NCOA6: variants seen among roughly 807,000 people sequenced by gnomAD.
The protein encoded by NCOA6 is nuclear receptor coactivator 6, also known as NRC RAP250.
In NCOA6, 49 loss-of-function variants were observed where a neutral mutation model predicts 171.4. The observed-to-expected ratio is 0.29, with a 90% confidence interval of 0.23 to 0.36. The LOEUF is 0.36. Ranked by LOEUF, NCOA6 falls within the 10% of genes least tolerant of loss-of-function variation. The probability of loss-of-function intolerance (pLI) is 1.00; values close to 1 mark genes in which losing one functional copy is unlikely to be tolerated. For synonymous variants in NCOA6, 910 were observed against 927.5 expected (o/e 0.98, Z 0.34); for missense variants, 2,248 against 2,554.5 (o/e 0.88, Z 2.59).
intron 11 of NCOA6, chr20:34,738,806 CG>C: frequency 2.2e-6 from 1 of 449,254 alleles, no homozygotes; most frequent in Non-Finnish European, 4.5e-6. Context: ...GGTTAAGGAA[CG>C]TATCAACTGT....
chr20:34,758,876 G>A lies in NCOA6; in HGVS notation c.572C>T (p.Ser191Leu), dbSNP rs1295269325. 1 of 1,613,510 alleles carries A rather than the reference G, an allele frequency of 6.2e-7. No individual in the cohort carries two copies. The highest frequency in any genetic ancestry group is 1.1e-5 in the South Asian group (1 of 90,966). ...TVMIPPGGNV[S>L]SSMMAPGPNP... Reference sequence around the variant, plus strand: ...GGGGCCTGGTGCCATCATGGAAGATGACACATTTCCACCCGGGGGTATCAT... The same window carrying A: ...GGGGCCTGGTGCCATCATGGAAGATAACACATTTCCACCCGGGGGTATCAT... The change falls in exon 6 of 15, where the codon TCA becomes TTA. Residue 191 changes from serine to leucine, a missense_variant. This residue lies in a region of NCOA6 where 987 missense variants were observed against 1,104.7 expected (regional missense o/e 0.89). Coordinates refer to ENST00000359003, the MANE Select transcript of NCOA6 (RefSeq NM_014071.5).
chr20:34,736,736 T>C lies in NCOA6; in HGVS notation c.5916A>G (p.Ser1972=), dbSNP rs1213511204. The change falls in exon 12 of 15, where the codon TCA becomes TCG. Residue 1972 remains serine, a synonymous_variant. Transcript: ENST00000359003. The part of the protein sequence containing the change: ...PSIAPSQNLV[S]KETSTTALQA... The stretch of plus-strand genomic sequence containing the variant: ...GCAGTGCTGTGGTTGAAGTTTCCTT[T>C]GAGACTAAATTCTGCGACGGGGCTA... 2 of 1,611,482 alleles carry C rather than the reference T, an allele frequency of 1.2e-6. No individual in the cohort carries two copies. The highest frequency in any genetic ancestry group is 2.2e-5 in the South Asian group (2 of 90,586).
chr20:34,787,379 A>C (rs1208185473), intron 2 of NCOA6, among the ~76,000 whole-genome samples: 2 of 152,080 alleles, frequency 1.3e-5, no homozygotes, highest in Non-Finnish European at 2.9e-5. Flanking sequence ...TTTAAAAATT[A>C]ACCAGGTGTG....
At chr20:34,765,483 G>C (rs1429805806) in intron 5 of NCOA6, among the ~76,000 whole-genome samples, 1 of 150,450 alleles carries the variant, frequency 6.6e-6, no homozygotes, top group African/African-American at 2.4e-5. Flanking sequence ...GGTCCATAAT[G>C]AGCTTCCTAA....
chr20:34,803,476 AG>A (rs1377632141), intron 1 of NCOA6, among the ~76,000 whole-genome samples: 1 of 151,440 alleles, frequency 6.6e-6, no homozygotes, highest in Non-Finnish European at 1.5e-5. Flanking sequence ...AAAAAAAAAA[AG>A]AAAAAAAAAA....
chr20:34,808,502 G>A (rs1461065906), intron 1 of NCOA6, among the ~76,000 whole-genome samples: 8 of 148,786 alleles, frequency 5.4e-5, no homozygotes, highest in African/African-American at 9.9e-5. Context: ...GCAATGGTGC[G>A]ATCTTGGCTC....
chr20:34,810,594 C>G (rs965976394), intron 1 of NCOA6, among the ~76,000 whole-genome samples: 1 of 150,276 alleles, frequency 6.7e-6, no homozygotes, highest in Non-Finnish European at 1.5e-5. Flanking sequence ...CTCGCTCTGT[C>G]ACCCAGGCTG....
intron 4 of NCOA6, among the ~76,000 whole-genome samples, chr20:34,774,609 G>A (rs115840432): frequency 6.3e-4 from 96 of 152,284 alleles, no homozygotes; most frequent in African/African-American, 2.1e-3. Flanking sequence ...TAGGTTCTAC[G>A]TAAGCACAGG....
At chr20:34,785,877 A>T (rs1349257303) in intron 2 of NCOA6, among the ~76,000 whole-genome samples, 2 of 39,048 alleles carry the variant, frequency 5.1e-5, no homozygotes, top group African/African-American at 9.0e-5. Context: ...CACAGTACTT[A>T]AAAAAAAAAA....
intron 2 of NCOA6, among the ~76,000 whole-genome samples, chr20:34,785,670 C>T (rs1160374229): frequency 6.6e-6 from 1 of 151,962 alleles, no homozygotes; most frequent in Non-Finnish European, 1.5e-5. Flanking sequence ...GGAACAACTG[C>T]AAGAAAACAT....
chr20:34,741,581 G>A lies in NCOA6; in HGVS notation c.4675C>T (p.Leu1559Phe). Residue 1559 changes from leucine to phenylalanine, a missense_variant, in exon 11 of 15, where the codon CTT becomes TTT. Physicochemically the swap from Leu to Phe is conservative, Grantham distance 22. Around this residue, in one of 7 missense-constraint regions of NCOA6, gnomAD observed 884 missense variants for 941.9 expected, o/e 0.94. Transcript: ENST00000359003. ...ACCTCACTCAATTCGGGATGCACAA[G>A]GGATGAACACAGCTCATTACTGTGA... ...LPHSNELCSS[L>F]VHPELSEVSS... 1 of 1,614,208 alleles carries A rather than the reference G, an allele frequency of 6.2e-7. No individual in the cohort carries two copies. The highest frequency in any genetic ancestry group is 8.5e-7 in the Non-Finnish European group (1 of 1,180,038).
At chr20:34,773,320 C>T (rs1247092627) in intron 4 of NCOA6, among the ~76,000 whole-genome samples, 4 of 152,154 alleles carry the variant, frequency 2.6e-5, no homozygotes, top group Non-Finnish European at 1.5e-5. Context: ...AGATGTTTCC[C>T]CAATTCCCTG....
At chr20:34,734,581 A>C (rs1439119796) in intron 12 of NCOA6, among the ~76,000 whole-genome samples, 13 of 152,128 alleles carry the variant, frequency 8.5e-5, no homozygotes, top group Admixed American at 8.5e-4. Context: ...CCTCGGCTCA[A>C]TCAATCCTCC....
rs1284608629 is a variant in NCOA6 at position 34,786,973 on chromosome 20, A to G, written c.-49-4569T>C. ...CTGCAACAAAAAAATTGAAAGTGGGATCTAATTAAAATAAAGAGCTTCTGC... is the reference window on the plus strand; with the variant it reads ...CTGCAACAAAAAAATTGAAAGTGGGGTCTAATTAAAATAAAGAGCTTCTGC... On this transcript the variant is annotated intron_variant, in intron 2 of 14. Coordinates refer to ENST00000359003, the MANE Select transcript of NCOA6 (RefSeq NM_014071.5). Among the ~76,000 whole-genome samples the G allele has an allele frequency of 1.1e-4, 16 of 152,168 alleles. 1 individual carries two copies. The highest frequency in any genetic ancestry group is 1.0e-3 in the Admixed American group (16 of 15,274).
chr20:34,815,682 G>A (rs2078812108), intron 1 of NCOA6, among the ~76,000 whole-genome samples: 1 of 152,054 alleles, frequency 6.6e-6, no homozygotes, highest in East Asian at 1.9e-4. Context: ...CTGAAAAGCT[G>A]ATGTATCTCT....
At chr20:34,762,475 CT>C (rs1009695592) in intron 5 of NCOA6, among the ~76,000 whole-genome samples, 1 of 151,766 alleles carries the variant, frequency 6.6e-6, no homozygotes, top group Non-Finnish European at 1.5e-5. Context: ...TCTATTTACC[CT>C]TTTTTTCTAT....
intron 1 of NCOA6, among the ~76,000 whole-genome samples, chr20:34,796,854 C>T (rs1314883511): frequency 6.6e-6 from 1 of 151,700 alleles, no homozygotes; most frequent in African/African-American, 2.4e-5. Context: ...AGAAAAAGAC[C>T]ATAAAGGTCC....
intron 1 of NCOA6, among the ~76,000 whole-genome samples, chr20:34,808,239 TCC>T (rs1467939952): frequency 6.6e-6 from 1 of 151,986 alleles, no homozygotes; most frequent in South Asian, 2.1e-4. Context: ...TGCCCTACCT[TCC>T]CTGGAACTCT....
chr20:34,781,435 G>A (rs1342037862), intron 3 of NCOA6, among the ~76,000 whole-genome samples: 1 of 152,236 alleles, frequency 6.6e-6, no homozygotes, highest in African/African-American at 2.4e-5. Context: ...GAAGAAGCCA[G>A]ATGGGAACTG....
Sources: allele counts gnomAD v4.1 joint callset (sites outside exome capture counted in the v4.1 genomes callset), GRCh38; gene constraint gnomAD v4.1.1; regional missense constraint gnomAD v4.1.1; transcripts MANE v1.5; gene names NCBI Gene and HGNC (gene_info 2026-07-23, HGNC 2026-07-21).